DNAH10: variants seen among roughly 807,000 people sequenced by gnomAD.
DNAH10 encodes the protein dynein axonemal heavy chain 10.
A neutral mutation model predicts 506.6 loss-of-function variants in DNAH10; 348 were observed. The ratio of observed to expected loss-of-function variants is 0.69; its 90% CI spans 0.63 to 0.75. DNAH10 has a LOEUF of 0.75. Among genes scored for constraint, DNAH10 ranks in the 30% least tolerant of loss-of-function variants. DNAH10 has a pLI of 0.00. For synonymous variants in DNAH10, 2,059 were observed against 2,198.6 expected (o/e 0.94, Z 1.78); for missense variants, 5,179 against 5,787.1 (o/e 0.89, Z 3.41).
chr12:123,850,809 C>G lies in DNAH10; in HGVS notation c.6103-79C>G. ...CATGAAAATGAATCGCCACGCAGCT[C>G]GCCGCAGGCCCCCTTTCCAAGGGGC... On this transcript the variant is annotated intron_variant, in intron 34 of 78. Transcript: ENST00000673944. This position sits in a 1 kb window ranked among gnomAD's most constrained non-coding sequence, Gnocchi z 5.5. 1.4e-6 allele frequency: 2 copies of G among 1,426,338 alleles called. No individual in the cohort carries two copies. Among genetic ancestry groups the G allele is most frequent in the Non-Finnish European group, 1.9e-6 (2 of 1,057,014 alleles). 88.4% of individuals were successfully genotyped at this position (1,426,338 alleles called of 1,614,324 possible).
chr12:123,831,083 A>G (rs1241715297), intron 26 of DNAH10, among the ~76,000 whole-genome samples: 1 of 152,084 alleles, frequency 6.6e-6, no homozygotes, highest in African/African-American at 2.4e-5. Context: ...TTCATTTTCC[A>G]TTGTTTAAAA....
intron 47 of DNAH10, among the ~76,000 whole-genome samples, chr12:123,876,855 G>T (rs1435465824): frequency 6.6e-6 from 1 of 152,050 alleles, no homozygotes; most frequent in East Asian, 1.9e-4. Context: ...AGCTACAAAG[G>T]AGGCTGAGGT....
intron 32 of DNAH10, among the ~76,000 whole-genome samples, chr12:123,847,592 C>T (rs1025312083): frequency 6.6e-6 from 1 of 152,124 alleles, no homozygotes; most frequent in African/African-American, 2.4e-5. Flanking sequence ...ACCAGTGTAA[C>T]CTCCCTCCAT....
At position 123,909,558 on chromosome 12, in the gene DNAH10, C is replaced by A; in HGVS notation, c.9997+116C>A. 3 of 1,304,558 alleles carry A rather than the reference C, an allele frequency of 2.3e-6. No homozygotes were observed. The highest frequency in any genetic ancestry group is 1.5e-5 in the South Asian group (1 of 64,790). The allele number at this position is 1,304,558 out of a possible 1,614,324, so 80.8% of individuals were successfully genotyped here. A position where few individuals can be genotyped will look rare whatever the true frequency, so the allele number is the denominator to read the frequency against. On this transcript the variant is annotated intron_variant, in intron 58 of 78. Transcript: ENST00000673944. The surrounding 1 kb of genome is among the most constrained non-coding windows in gnomAD (Gnocchi z 5.4). ...CGTGGGCAGGCCCTCCCCTTCTGGTCAGATGGTATCGGATGGAACAGGCAA... is the reference window on the plus strand; with the variant it reads ...CGTGGGCAGGCCCTCCCCTTCTGGTAAGATGGTATCGGATGGAACAGGCAA...
Position 123,864,585 on chromosome 12 carries a change from G to GT in DNAH10, c.6909-8dup, listed in dbSNP as rs1951731607. 1 of 1,612,940 alleles carries GT rather than the reference G, an allele frequency of 6.2e-7. No individual in the cohort carries two copies. Among genetic ancestry groups the GT allele is most frequent in the South Asian group, 1.1e-5 (1 of 90,890 alleles). On this transcript the variant is annotated splice_polypyrimidine_tract_variant and intron_variant, in intron 39 of 78. Coordinates refer to ENST00000673944, the MANE Select transcript of DNAH10 (RefSeq NM_001372106.1). The stretch of plus-strand genomic sequence containing the variant: ...AGGACCCATGGCTCTCCTTTCTTTG[G>GT]TTGCTGCAGGTATATTTTATTTGAT...
chr12:123,897,663 T>C, intron 54 of DNAH10, 107 bp from the exon 55 acceptor site: 1 of 1,181,440 alleles, frequency 8.5e-7, no homozygotes, highest in South Asian at 1.6e-5. Context: ...AGATGGAGGC[T>C]GCAGTGAGCC....
At chr12:123,920,850 ACCT>A (rs1954690816) in intron 65 of DNAH10, among the ~76,000 whole-genome samples, 1 of 151,936 alleles carries the variant, frequency 6.6e-6, no homozygotes, top group African/African-American at 2.4e-5. Flanking sequence ...GCTTACTGCA[ACCT>A]CCACCTCCCA....
At chr12:123,809,244 C>G (rs912686043) in intron 19 of DNAH10, among the ~76,000 whole-genome samples, 2 of 152,170 alleles carry the variant, frequency 1.3e-5, no homozygotes, top group African/African-American at 4.8e-5. Context: ...TCTCTCCTGT[C>G]CCCCCAGTAC....
Position 123,894,583 on chromosome 12 carries a change from CAG to C in DNAH10, c.9200-59_9200-58del. 2.0e-6 allele frequency: 3 copies of C among 1,499,044 alleles called. No individual in the cohort carries two copies. The South Asian group carries it at 3.4e-5, about 17-fold the overall frequency. The allele number at this position is 1,499,044 out of a possible 1,614,324, so 92.9% of individuals were successfully genotyped here. ...CTGATTTTTGTATTTTTTGTAGAGA[CAG>C]GGTCTCGCCACATTGCCCAGGCTGG... On this transcript the variant is annotated intron_variant, in intron 53 of 78. Transcript: ENST00000673944.
Position 123,800,450 on chromosome 12 carries a change from C to T in DNAH10, c.2462+62C>T, listed in dbSNP as rs112230996. On this transcript the variant is annotated intron_variant, in intron 15 of 78. Coordinates refer to ENST00000673944, the MANE Select transcript of DNAH10 (RefSeq NM_001372106.1). Reference sequence around the variant, plus strand: ...TTTGTTCTTGGGACCCCTTTACGCTCTTAAAAATTATTGAGGACCCCTCCA... The same window carrying T: ...TTTGTTCTTGGGACCCCTTTACGCTTTTAAAAATTATTGAGGACCCCTCCA... 1.8e-3 allele frequency: 2,624 copies of T among 1,478,964 alleles called. 35 individuals are homozygous for T. The African/African-American group carries it at 0.032, about 18-fold the overall frequency. The allele number at this position is 1,478,964 out of a possible 1,614,324, so 91.6% of individuals were successfully genotyped here.
intron 30 of DNAH10, among the ~76,000 whole-genome samples, chr12:123,843,810 T>C (rs1223545710): frequency 1.3e-5 from 2 of 152,218 alleles, no homozygotes; most frequent in Admixed American, 6.5e-5. Flanking sequence ...ACTCCCGACC[T>C]CAGGTGATCT....
At chr12:123,843,233 A>C (rs542168455) in intron 30 of DNAH10, among the ~76,000 whole-genome samples, 2 of 152,316 alleles carry the variant, frequency 1.3e-5, no homozygotes, top group South Asian at 4.1e-4. Flanking sequence ...TGACATGAGC[A>C]TGTGGTTTTA....
At chr12:123,814,764 G>A (rs944439659) in intron 21 of DNAH10, among the ~76,000 whole-genome samples, 8 of 151,994 alleles carry the variant, frequency 5.3e-5, no homozygotes, top group South Asian at 2.1e-4. Context: ...ACAGGCACCC[G>A]CCACCACACC....
intron 4 of DNAH10, among the ~76,000 whole-genome samples, chr12:123,773,553 G>T (rs1186788362): frequency 1.3e-5 from 2 of 152,204 alleles, no homozygotes; most frequent in Non-Finnish European, 2.9e-5. Flanking sequence ...AGCTCTGGAG[G>T]CTGGGAAGTC....
At chr12:123,887,637 T>C (rs1182018949) in intron 52 of DNAH10, among the ~76,000 whole-genome samples, 1 of 152,140 alleles carries the variant, frequency 6.6e-6, no homozygotes, top group Non-Finnish European at 1.5e-5. Context: ...AAAAACTTGA[T>C]GAGAGGCCAG....
Position 123,848,858 on chromosome 12 carries a change from G to T in DNAH10, c.6078G>T (p.Leu2026=), listed in dbSNP as rs764978857. Residue 2026 remains leucine, a synonymous_variant, in exon 34 of 79, where the codon CTG becomes CTT. Coordinates refer to ENST00000673944, the MANE Select transcript of DNAH10 (RefSeq NM_001372106.1). ...SSQIQTIRNA[L]IHQLTTFQFE... ...AGATCCAGACGATCCGAAATGCTCT[G>T]ATCCATCAGTTAACCACGTTCCAGG... is the stretch of plus-strand genomic sequence containing the variant. 2 of 1,613,800 alleles carry T rather than the reference G, an allele frequency of 1.2e-6. No individual in the cohort carries two copies. Among genetic ancestry groups the T allele is most frequent in the Non-Finnish European group, 1.7e-6 (2 of 1,179,832 alleles).
At chr12:123,778,267 G>T (rs1957517177) in intron 5 of DNAH10, among the ~76,000 whole-genome samples, 2 of 152,016 alleles carry the variant, frequency 1.3e-5, no homozygotes, top group Non-Finnish European at 2.9e-5. Context: ...AATTCTTAGT[G>T]GTTATATGCA....
chr12:123,840,407 T>G (rs934779206), intron 29 of DNAH10, among the ~76,000 whole-genome samples: 4 of 139,468 alleles, frequency 2.9e-5, no homozygotes, highest in Non-Finnish European at 3.1e-5. Flanking sequence ...TTTTTTTTTT[T>G]TTTTTTTTTT....
At position 123,932,037 on chromosome 12, in the gene DNAH10, C is replaced by T; in HGVS notation, c.13225C>T (p.Pro4409Ser). 1 of 1,614,004 alleles carries T rather than the reference C, an allele frequency of 6.2e-7. No individual in the cohort carries two copies. Among genetic ancestry groups the T allele is most frequent in the Non-Finnish European group, 8.5e-7 (1 of 1,179,902 alleles). The change falls in exon 76 of 79, where the codon CCT becomes TCT. Residue 4409 changes from proline (P) to serine (S), a missense_variant. This residue lies in a region of DNAH10 where 4,844 missense variants were observed against 5,430.5 expected (regional missense o/e 0.89). Coordinates refer to ENST00000673944, the MANE Select transcript of DNAH10 (RefSeq NM_001372106.1). Reference protein sequence around the residue: ...HIPNIWRRLAPDTLKSLGNWM... With the variant: ...HIPNIWRRLASDTLKSLGNWM... The stretch of plus-strand genomic sequence containing the variant: ...CCCTAATATCTGGAGAAGGCTTGCT[C>T]CTGACACCTTAAAGTCCCTTGGAAA...
Sources: allele counts gnomAD v4.1 joint callset (sites outside exome capture counted in the v4.1 genomes callset), GRCh38; gene constraint gnomAD v4.1.1; regional missense constraint gnomAD v4.1.1; non-coding constraint Gnocchi (gnomAD v3.1); transcripts MANE v1.5; gene names NCBI Gene and HGNC (gene_info 2026-07-23, HGNC 2026-07-21).